ODF2: variants seen among roughly 807,000 people sequenced by gnomAD.
The protein encoded by ODF2 is outer dense fiber of sperm tails 2.
A neutral mutation model predicts 110.2 loss-of-function variants in ODF2; 47 were observed. The ratio of observed to expected loss-of-function variants is 0.43; its 90% CI spans 0.34 to 0.54. The LOEUF (loss-of-function observed/expected upper bound fraction) is 0.54, where lower values mean the gene tolerates loss of function less well. Ranked by LOEUF, ODF2 falls within the 20% of genes least tolerant of loss-of-function variation. The pLI is 0.03. For synonymous variants in ODF2, 352 were observed against 397.7 expected, an observed-to-expected ratio of 0.89 and a Z score of 1.37; for missense variants, 812 against 1,054.5, an observed-to-expected ratio of 0.77 and a Z score of 3.19.
downstream of ODF2, chr9:128,500,823 C>G (rs1335439076): frequency 6.6e-6 from 1 of 152,216 alleles, no homozygotes; most frequent in Non-Finnish European, 1.5e-5. Flanking sequence ...CCCTCGAGGG[C>G]TTGTGTCCAT....
intron 9 of ODF2, among the ~76,000 whole-genome samples, chr9:128,482,493 G>A (rs927697152): frequency 3.3e-5 from 5 of 151,978 alleles, no homozygotes; most frequent in Non-Finnish European, 2.9e-5. Flanking sequence ...TAACGGTGCT[G>A]AGCATATGAG....
rs553118905 is a variant in ODF2 at position 128,500,032 on chromosome 9, G to T, written c.2302-35G>T. ...TCTATGGATTTCTATTTTGGACACT[G>T]CACAGCGGGCCCATGCTCTGTTTCT... On this transcript the variant is annotated intron_variant, in intron 20 of 20. Transcript: ENST00000604420. 181 of 1,612,100 alleles carry T rather than the reference G, an allele frequency of 1.1e-4. 1 individual carries two copies. In the South Asian group the frequency reaches 1.8e-3, roughly 16 times the overall value.
At chr9:128,461,188 G>A in intron 4 of ODF2, 121 bp downstream of exon 4, 1 of 1,278,268 alleles carries the variant, frequency 7.8e-7, no homozygotes. Flanking sequence ...CCCATTTACT[G>A]AGGGCCTTGC....
chr9:128,482,897 T>A lies in ODF2; in HGVS notation c.987+10T>A. 3.2e-5 allele frequency: 1 copy of A among 31,040 alleles called. No individual in the cohort carries two copies. Among genetic ancestry groups the A allele is most frequent in the Non-Finnish European group, 1.4e-4 (1 of 7,230 alleles). The allele number at this position is 31,040 out of a possible 1,614,324, so 1.9% of individuals were successfully genotyped here. A position where few individuals can be genotyped will look rare whatever the true frequency, so the allele number is the denominator to read the frequency against. On this transcript the variant is annotated intron_variant, in intron 10 of 20. Transcript: ENST00000604420. ...AATACAATGTGAGAAGGTAGTGTGC[T>A]TTTTTTTTTTTTTTTTTTAGACGGA...
At chr9:128,470,381 A>C (rs539725092) in intron 5 of ODF2, among the ~76,000 whole-genome samples, 3 of 151,886 alleles carry the variant, frequency 2.0e-5, no homozygotes, top group Non-Finnish European at 4.4e-5. Context: ...CTATAATCCT[A>C]GCACTTTGGG....
At chr9:128,474,701 G>A (rs1482647711) in intron 8 of ODF2, among the ~76,000 whole-genome samples, 1 of 151,448 alleles carries the variant, frequency 6.6e-6, no homozygotes, top group Admixed American at 6.6e-5. Flanking sequence ...GGTGGCTCAT[G>A]CCTGTAATCC....
rs1212396390 is a variant in ODF2, at chr9:128,485,766, T to TCC, written c.1400+293_1400+294dup. 6.6e-6 allele frequency among the ~76,000 whole-genome samples: 1 copy of TCC among 152,040 alleles called. No homozygotes were observed. Among genetic ancestry groups the TCC allele is most frequent in the African/African-American group, 2.4e-5 (1 of 41,382 alleles). ...ACTTCATCACCTGGGCCTGATCCTG[T>TCC]CCTCAGTCTACACAGCATTTGAAAT... On this transcript the variant is annotated intron_variant, in intron 13 of 20. Transcript: ENST00000604420. This position sits in a 1 kb window ranked among gnomAD's most constrained non-coding sequence, Gnocchi z 5.0.
At chr9:128,462,331 T>TAG (rs200963335) in intron 4 of ODF2, among the ~76,000 whole-genome samples, 1,864 of 152,132 alleles carry the variant, frequency 0.012, 30 homozygotes, top group African/African-American at 0.043. Flanking sequence ...GTATTTTTAG[T>TAG]AGAGATAGGG....
At chr9:128,473,554 G>T in intron 7 of ODF2, 56 bp from the exon 8 acceptor site, 1 of 1,603,166 alleles carries the variant, frequency 6.2e-7, no homozygotes, top group African/African-American at 1.3e-5. Context: ...GTGCCCATGG[G>T]GCCTGCTTCT....
In ODF2 at chr9:128,457,305, C is replaced by T. The variant is rs147282324; in HGVS notation, c.-101C>T. On this transcript the variant is annotated 5_prime_UTR_variant, in exon 2 of 21. Coordinates refer to ENST00000604420, the Ensembl canonical transcript of ODF2. The stretch of plus-strand genomic sequence containing the variant: ...TCCCCTCAGAGAGGACGTTTGATGC[C>T]GGGCCCCTTGAGAGGCTCATTGACA... 6,783 of 1,608,318 alleles carry T rather than the reference C, an allele frequency of 4.2e-3. 35 individuals are homozygous for T. The highest frequency in any genetic ancestry group is 4.1e-3 in the Non-Finnish European group (4,797 of 1,178,998).
At chr9:128,498,225 G>A in intron 18 of ODF2, 188 bp from the exon 19 acceptor site, 3 of 782,474 alleles carry the variant, frequency 3.8e-6, no homozygotes, top group Non-Finnish European at 5.5e-6. Flanking sequence ...TCTCTAACCA[G>A]TTGCTCCAGC....
At chr9:128,500,317 A>G (rs1379108943) in exon 21 of ODF2, 1 of 1,542,404 alleles carries the variant, frequency 6.5e-7, no homozygotes, top group African/African-American at 1.4e-5. Context: ...TTGCCAAGCC[A>G]TAGCTGAGAA....
intron 20 of ODF2, 59 bp downstream of exon 20, chr9:128,499,185 G>A: frequency 6.2e-7 from 1 of 1,600,128 alleles, no homozygotes; most frequent in Non-Finnish European, 8.5e-7. Flanking sequence ...CTTCTGTGGG[G>A]CCTGTGGGCC....
At chr9:128,490,804 G>T (rs1289333379) in intron 14 of ODF2, among the ~76,000 whole-genome samples, 1 of 152,046 alleles carries the variant, frequency 6.6e-6, no homozygotes, top group Non-Finnish European at 1.5e-5. Flanking sequence ...ATCTGTTAAG[G>T]TTGGTTTTTT....
At chr9:128,492,865 G>A in intron 16 of ODF2, 60 bp downstream of exon 16, 1 of 1,398,582 alleles carries the variant, frequency 7.2e-7, no homozygotes, top group Non-Finnish European at 1.0e-6. Flanking sequence ...CTCAATGACT[G>A]TGAGTCTGTT....
exon 16 of ODF2, chr9:128,492,749 C>A: frequency 6.2e-7 from 1 of 1,614,152 alleles, no homozygotes; most frequent in Middle Eastern, 1.6e-4. Context: ...CCAGCTAGAA[C>A]GCTGTGACAA....
rs1276183392 is a variant in ODF2 at position 128,494,952 on chromosome 9, C to T, written c.1911+284C>T. 2.1e-5 allele frequency: 17 copies of T among 798,994 alleles called. No homozygotes were observed. Among genetic ancestry groups the T allele is most frequent in the Non-Finnish European group, 3.0e-5 (16 of 526,230 alleles). The allele number at this position is 798,994 out of a possible 1,614,324, so 49.5% of individuals were successfully genotyped here. Reference sequence around the variant, plus strand: ...CTGCTGCCTCTGCCTGTGTGCTCCGCAGCTGTCCTCAGCTCCACACCCACA... The same window carrying T: ...CTGCTGCCTCTGCCTGTGTGCTCCGTAGCTGTCCTCAGCTCCACACCCACA... On this transcript the variant is annotated intron_variant, in intron 17 of 20. Transcript: ENST00000604420. This position sits in a 1 kb window ranked among gnomAD's most constrained non-coding sequence, Gnocchi z 4.6.
At chr9:128,460,135 C>T in intron 3 of ODF2, 1 of 1,295,386 alleles carries the variant, frequency 7.7e-7, no homozygotes. Flanking sequence ...TTGTGTGTTT[C>T]CCACGCCAAT....
At chr9:128,500,121 T>A (rs776581373) in exon 21 of ODF2, 154 of 1,614,138 alleles carry the variant, frequency 9.5e-5, no homozygotes, top group Non-Finnish European at 1.3e-4. Context: ...CCTGGAGCAG[T>A]CCGAGAGCAC....
Sources: allele counts gnomAD v4.1 joint callset (sites outside exome capture counted in the v4.1 genomes callset), GRCh38; gene constraint gnomAD v4.1.1; non-coding constraint Gnocchi (gnomAD v3.1); transcripts MANE v1.5; gene names NCBI Gene and HGNC (gene_info 2026-07-23, HGNC 2026-07-21).